PDE1A: variants seen among roughly 807,000 people sequenced by gnomAD.
PDE1A encodes the protein dual specificity calcium/calmodulin-dependent 3',5'-cyclic nucleotide phosphodiesterase 1A.
A neutral mutation model predicts 61.7 loss-of-function variants in PDE1A; 35 were observed. The ratio of observed to expected loss-of-function variants is 0.57; its 90% CI spans 0.43 to 0.75. PDE1A has a LOEUF of 0.75. Among genes scored for constraint, PDE1A ranks in the 30% least tolerant of loss-of-function variants. The pLI, the probability that PDE1A is intolerant of heterozygous loss-of-function variation, is 0.00. For synonymous variants in PDE1A, 232 were observed against 213.2 expected (o/e 1.09, Z -0.77); for missense variants, 597 against 630.6 (o/e 0.95, Z 0.57).
the PDE1A span, among the ~76,000 whole-genome samples, chr2:182,534,630 T>C: frequency 6.6e-6 from 1 of 151,676 alleles, no homozygotes. Flanking sequence ...TTTTTTCTTT[T>C]CTAGGGATCA....
At chr2:182,389,669 T>C (rs1701311243) in intron 1 of PDE1A, among the ~76,000 whole-genome samples, 1 of 152,174 alleles carries the variant, frequency 6.6e-6, no homozygotes, top group South Asian at 2.1e-4. Flanking sequence ...CTTCATTGGA[T>C]TGAAGGATCC....
intron 6 of PDE1A, among the ~76,000 whole-genome samples, chr2:182,225,390 A>G (rs1689063471): frequency 6.6e-6 from 1 of 152,078 alleles, no homozygotes; most frequent in Middle Eastern, 3.4e-3. Context: ...AAATGAAGGC[A>G]GTGACAATTG....
At chr2:182,629,550 G>A in the PDE1A span, among the ~76,000 whole-genome samples, 1 of 152,256 alleles carries the variant, frequency 6.6e-6, no homozygotes, top group African/African-American at 2.4e-5. Context: ...TCAGCATCCT[G>A]CTTTTCTCAC....
chr2:182,348,359 GA>G (rs1487718693), intron 1 of PDE1A, among the ~76,000 whole-genome samples: 1 of 152,102 alleles, frequency 6.6e-6, no homozygotes, highest in African/African-American at 2.4e-5. Context: ...GGTAGATAGA[GA>G]AGGTGAATGG....
intron 2 of PDE1A, among the ~76,000 whole-genome samples, chr2:182,510,111 A>G (rs999247641): frequency 6.6e-6 from 1 of 152,090 alleles, no homozygotes; most frequent in Admixed American, 6.6e-5. Flanking sequence ...TGCATGACTG[A>G]GCTTTTTGTC....
At chr2:182,291,855 T>A (rs1040913355) in intron 1 of PDE1A, among the ~76,000 whole-genome samples, 3 of 152,118 alleles carry the variant, frequency 2.0e-5, no homozygotes, top group African/African-American at 7.2e-5. Context: ...TCAAAGAAAA[T>A]TTTTAAAATT....
exon 5 of PDE1A, chr2:182,231,039 T>A (rs1251189425): frequency 6.3e-7 from 1 of 1,587,714 alleles, no homozygotes; most frequent in Non-Finnish European, 8.6e-7. Flanking sequence ...TAAGATCATA[T>A]CTGGTAAACA....
intron 2 of PDE1A, among the ~76,000 whole-genome samples, chr2:182,515,453 T>C (rs1265499726): frequency 6.6e-6 from 1 of 152,196 alleles, no homozygotes; most frequent in Non-Finnish European, 1.5e-5. Flanking sequence ...AAAAAGCAGG[T>C]AGTATTGTAA....
intron 1 of PDE1A, among the ~76,000 whole-genome samples, chr2:182,359,443 A>G (rs1370924203): frequency 5.3e-5 from 8 of 152,180 alleles, no homozygotes; most frequent in Admixed American, 5.2e-4. Flanking sequence ...CAAATTTACA[A>G]GCTCTTAGCT....
rs572415573 is a variant in PDE1A, at chr2:182,519,531, A to G, written c.101+2745T>C. On this transcript the variant is annotated intron_variant, in intron 2 of 14. Coordinates refer to the PDE1A transcript ENST00000410103. ...TTCACCTTTCTTGTCACAAAAGAAA[A>G]AGAGATTTCTTGGCACATAACTTTA... Among the ~76,000 whole-genome samples, 132 of 152,080 alleles carry G rather than the reference A, an allele frequency of 8.7e-4. 1 individual carries two copies. Among genetic ancestry groups the G allele is most frequent in the African/African-American group, 3.0e-3 (126 of 41,574 alleles).
At chr2:182,449,452 G>A (rs1455185823) in intron 2 of PDE1A, among the ~76,000 whole-genome samples, 1 of 151,812 alleles carries the variant, frequency 6.6e-6, no homozygotes, top group Non-Finnish European at 1.5e-5. Flanking sequence ...AATGAGCAGA[G>A]GCTATAAGAA....
chr2:182,149,458 G>C (rs1690662156), intron 13 of PDE1A, among the ~76,000 whole-genome samples: 1 of 152,138 alleles, frequency 6.6e-6, no homozygotes, highest in African/African-American at 2.4e-5. Flanking sequence ...ATAAACTCAA[G>C]ATAAGAGTTT....
chr2:182,568,050 C>T, the PDE1A span, among the ~76,000 whole-genome samples: 1,172 of 152,114 alleles, frequency 7.7e-3, 12 homozygotes, highest in African/African-American at 0.026. Flanking sequence ...TCACCTGCCT[C>T]GGCCTCCCAA....
the PDE1A span, among the ~76,000 whole-genome samples, chr2:182,660,028 T>C: frequency 4.0e-3 from 607 of 152,326 alleles, 4 homozygotes; most frequent in African/African-American, 0.014. Context: ...AAATATATCA[T>C]GGGCATGGCT....
At chr2:182,672,279 AGC>A in the PDE1A span, among the ~76,000 whole-genome samples, 3 of 152,302 alleles carry the variant, frequency 2.0e-5, no homozygotes, top group South Asian at 6.2e-4. Flanking sequence ...TTTTTATATA[AGC>A]ATATTTTACT....
intron 1 of PDE1A, among the ~76,000 whole-genome samples, chr2:182,406,798 C>T (rs974908480): frequency 6.6e-6 from 1 of 151,624 alleles, no homozygotes; most frequent in Non-Finnish European, 1.5e-5. Context: ...ACAGATATTA[C>T]AAGAAATGAA....
chr2:182,368,525 C>CTTTT (rs34206320), intron 1 of PDE1A, among the ~76,000 whole-genome samples: 1 of 145,460 alleles, frequency 6.9e-6, no homozygotes, highest in Non-Finnish European at 1.5e-5. Flanking sequence ...TTCTCATCAC[C>CTTTT]TTTTTTTTTT....
intron 1 of PDE1A, among the ~76,000 whole-genome samples, chr2:182,424,104 C>A: frequency 6.6e-6 from 1 of 152,082 alleles, no homozygotes; most frequent in African/African-American, 2.4e-5. Context: ...ACCACCACAC[C>A]TGGCTAATTT....
chr2:182,291,298 TC>T (rs1694515433), intron 1 of PDE1A, among the ~76,000 whole-genome samples: 1 of 149,172 alleles, frequency 6.7e-6, no homozygotes. Context: ...AAGAAATTTC[TC>T]ACCATATCTA....
Sources: gnomAD v4.1 joint callset for allele counts (sites outside exome capture counted in the v4.1 genomes callset) on GRCh38, gnomAD v4.1.1 for gene constraint, MANE v1.5 for transcripts, NCBI Gene and HGNC (gene_info 2026-07-23, HGNC 2026-07-21) for gene names.